The following SEPTIN9 variants were observed in gnomAD, a reference collection of about 807,000 sequenced individuals.
SEPTIN9 encodes the protein septin-9.
A neutral mutation model predicts 56.6 loss-of-function variants in SEPTIN9; 13 were observed. That is an observed-to-expected ratio of 0.23 (90% CI 0.15 to 0.37). The LOEUF (loss-of-function observed/expected upper bound fraction) is 0.37. Among genes scored for constraint, SEPTIN9 ranks in the 10% least tolerant of loss-of-function variants. SEPTIN9 has a pLI of 1.00. For missense variants in SEPTIN9, 650 were observed against 823.1 expected (o/e 0.79, Z 2.57); for synonymous variants, 332 against 334.1 (o/e 0.99, Z 0.07).
chr17:77,300,883 C>T (rs1253231206), intron 1 of SEPTIN9, among the ~76,000 whole-genome samples: 1 of 119,436 alleles, frequency 8.4e-6, no homozygotes, highest in East Asian at 2.7e-4. Flanking sequence ...CTCAAACCGC[C>T]CCCATCCCAG....
rs1192351384 is a variant in SEPTIN9, at chr17:77,317,358, G to A, written c.76+10161G>A. Among the ~76,000 whole-genome samples the A allele has an allele frequency of 1.3e-5, 2 of 152,224 alleles. No homozygotes were observed. Among genetic ancestry groups the A allele is most frequent in the Non-Finnish European group, 2.9e-5 (2 of 68,038 alleles). On this transcript the variant is annotated intron_variant, in intron 2 of 11. Transcript: ENST00000427177. The surrounding 1 kb of genome is among the most constrained non-coding windows in gnomAD (Gnocchi z 4.2). The stretch of plus-strand genomic sequence containing the variant: ...CCTGCACAGCAGGAGGTGAGTGACT[G>A]GCAAGCGAGCGAAGCTTCATCTGTA...
intron 3 of SEPTIN9, among the ~76,000 whole-genome samples, chr17:77,415,675 G>C (rs2036480098): frequency 6.6e-6 from 1 of 151,990 alleles, no homozygotes; most frequent in Non-Finnish European, 1.5e-5. Context: ...GTGCTGCCCT[G>C]TGCCCGGCAC....
At position 77,317,889 on chromosome 17, in the gene SEPTIN9, A is replaced by G. The variant is rs1417193670; in HGVS notation, c.76+10692A>G. ...AATATGGTGAAACCCCGTTTCTACT[A>G]AAAATACAAAAATTAGCCGGACACG... On this transcript the variant is annotated intron_variant, in intron 2 of 11. Coordinates refer to ENST00000427177, the MANE Select transcript of SEPTIN9 (RefSeq NM_001113491.2). The surrounding 1 kb of genome is among the most constrained non-coding windows in gnomAD (Gnocchi z 4.2). Among the ~76,000 whole-genome samples, 1 of 151,992 alleles carries G rather than the reference A, an allele frequency of 6.6e-6. No individual in the cohort carries two copies. Among genetic ancestry groups the G allele is most frequent in the Non-Finnish European group, 1.5e-5 (1 of 68,006 alleles).
At chr17:77,498,085 T>C (rs796264351) in intron 11 of SEPTIN9, among the ~76,000 whole-genome samples, 68 of 152,066 alleles carry the variant, frequency 4.5e-4, no homozygotes, top group African/African-American at 1.5e-3. Flanking sequence ...CCCAGCCCTT[T>C]GCCCCAGGCC....
In SEPTIN9 at chr17:77,450,100, G is replaced by A. The variant is rs975234360; in HGVS notation, c.722-32044G>A. 2.6e-5 allele frequency among the ~76,000 whole-genome samples: 4 copies of A among 152,184 alleles called. No homozygotes were observed. Among genetic ancestry groups the A allele is most frequent in the East Asian group, 1.9e-4 (1 of 5,184 alleles). On this transcript the variant is annotated intron_variant, in intron 3 of 11. Coordinates refer to ENST00000427177, the MANE Select transcript of SEPTIN9 (RefSeq NM_001113491.2). The surrounding 1 kb of genome is among the most constrained non-coding windows in gnomAD (Gnocchi z 6.0). ...GAGACCAGTAGCAGCAGCTCCCCAC[G>A]GCCGTTCACTGTGAGGGTGGGGAGG...
chr17:77,467,495 C>T (rs1462107899), intron 3 of SEPTIN9, among the ~76,000 whole-genome samples: 1 of 140,032 alleles, frequency 7.1e-6, no homozygotes, highest in Non-Finnish European at 1.5e-5. Flanking sequence ...GGCTGCAGAA[C>T]AGCCAGGCCC....
intron 2 of SEPTIN9, among the ~76,000 whole-genome samples, chr17:77,399,581 C>T (rs900746061): frequency 2.0e-5 from 3 of 152,160 alleles, no homozygotes; most frequent in African/African-American, 4.8e-5. Context: ...GTGTCTACCC[C>T]GTACTTCACT....
At chr17:77,374,791 G>C (rs1049830326) in intron 2 of SEPTIN9, 5 of 152,410 alleles carry the variant, frequency 3.3e-5, no homozygotes, top group African/African-American at 7.2e-5. Flanking sequence ...ACTTTGGCTG[G>C]ACGCCAAGCA....
At chr17:77,373,480 C>T (rs1217370560) in intron 2 of SEPTIN9, 3 of 1,527,324 alleles carry the variant, frequency 2.0e-6, no homozygotes, top group South Asian at 1.2e-5. Context: ...CCGCGCGACC[C>T]GCTGCCCACC....
rs2040422429 is a variant in SEPTIN9, at chr17:77,499,535, A to G, written c.*877A>G. The G allele has an allele frequency of 2.2e-6, 1 of 461,676 alleles. No individual in the cohort carries two copies. The highest frequency in any genetic ancestry group is 4.0e-5 in the East Asian group (1 of 25,068). The allele number at this position is 461,676 out of a possible 1,614,324, so 28.6% of individuals were successfully genotyped here. A position where few individuals can be genotyped will look rare whatever the true frequency, so the allele number is the denominator to read the frequency against. On this transcript the variant is annotated 3_prime_UTR_variant, in exon 12 of 12. Coordinates refer to ENST00000427177, the MANE Select transcript of SEPTIN9 (RefSeq NM_001113491.2). ...GGTGGAGGAGCTGAGGGAGGGAGCC[A>G]TGGAAGGTGCCAGAAGGAAGGTTGG...
intron 3 of SEPTIN9, among the ~76,000 whole-genome samples, chr17:77,439,207 T>A (rs902468448): frequency 1.3e-5 from 2 of 152,022 alleles, no homozygotes; most frequent in East Asian, 3.9e-4. Flanking sequence ...TCCTCCCTGG[T>A]TGGGGAGGAG....
chr17:77,429,446 G>C lies in SEPTIN9; in HGVS notation c.721+26743G>C. 1 of 384,414 alleles carries C rather than the reference G, an allele frequency of 2.6e-6. No individual in the cohort carries two copies. Among genetic ancestry groups the C allele is most frequent in the Non-Finnish European group, 5.5e-6 (1 of 183,316 alleles). The allele number at this position is 384,414 out of a possible 1,614,324, so 23.8% of individuals were successfully genotyped here. A position where few individuals can be genotyped will look rare whatever the true frequency, so the allele number is the denominator to read the frequency against. On this transcript the variant is annotated intron_variant, in intron 3 of 11. Transcript: ENST00000427177. The surrounding 1 kb of genome is among the most constrained non-coding windows in gnomAD (Gnocchi z 5.2). ...TGCATTTGGGGAGGGACTGAGGGCTGATTGTGTTGTGGGGATGTTGGCAGA... is the reference window on the plus strand; with the variant it reads ...TGCATTTGGGGAGGGACTGAGGGCTCATTGTGTTGTGGGGATGTTGGCAGA...
Position 77,311,723 on chromosome 17 carries a change from G to A in SEPTIN9, c.76+4526G>A, listed in dbSNP as rs118177201. On this transcript the variant is annotated intron_variant, in intron 2 of 11. Coordinates refer to ENST00000427177, the MANE Select transcript of SEPTIN9 (RefSeq NM_001113491.2). ...CTATTTCCCCAGGGCACCGTGCCAC[G>A]TTGCCTCAATGCACAGAGTAGCTGC... 3.4e-4 allele frequency among the ~76,000 whole-genome samples: 52 copies of A among 152,290 alleles called. No individual in the cohort carries two copies. In the East Asian group the frequency reaches 3.5e-3, roughly 10 times the overall value.
chr17:77,490,578 A>G (rs1598467169), intron 7 of SEPTIN9, among the ~76,000 whole-genome samples, 164 bp from the exon 8 acceptor site: 1 of 152,164 alleles, frequency 6.6e-6, no homozygotes, highest in East Asian at 1.9e-4. Flanking sequence ...CCTCTGCCCC[A>G]CACTCACAGC....
chr17:77,421,649 T>C lies in SEPTIN9; in HGVS notation c.721+18946T>C, dbSNP rs113660095. ...CATTCACCTGAGGTTTATTGATCTT[T>C]CTCTTTGGAACTGGAGTGGCTCCTC... On this transcript the variant is annotated intron_variant, in intron 3 of 11. Transcript: ENST00000427177. This position sits in a 1 kb window ranked among gnomAD's most constrained non-coding sequence, Gnocchi z 4.6. Among the ~76,000 whole-genome samples, 26 of 152,270 alleles carry C rather than the reference T, an allele frequency of 1.7e-4. 1 individual carries two copies. Among genetic ancestry groups the C allele is most frequent in the African/African-American group, 6.3e-4 (26 of 41,548 alleles).
At chr17:77,482,415 C>G in intron 4 of SEPTIN9, 80 bp downstream of exon 4, 1 of 1,413,602 alleles carries the variant, frequency 7.1e-7, no homozygotes, top group Non-Finnish European at 9.8e-7. Flanking sequence ...AGCCTTTGGG[C>G]TTGGTCTTCC....
At chr17:77,496,396 AGAC>A (rs1838940995) in intron 10 of SEPTIN9, 1 of 152,194 alleles carries the variant, frequency 6.6e-6, no homozygotes, top group Admixed American at 6.5e-5. Context: ...AGGTGTGTGA[AGAC>A]GAAGTTCATC....
At chr17:77,392,118 C>G (rs440375) in intron 2 of SEPTIN9, among the ~76,000 whole-genome samples, 5 of 152,026 alleles carry the variant, frequency 3.3e-5, no homozygotes, top group Non-Finnish European at 7.4e-5. Context: ...TGGCCTCAGC[C>G]GAAAATCCAA....
chr17:77,454,157 C>T, intron 3 of SEPTIN9: 1 of 985,698 alleles, frequency 1.0e-6, no homozygotes, highest in Non-Finnish European at 1.2e-6. Flanking sequence ...CAGCCCTCAC[C>T]TTAACACAGA....
Sources: gnomAD v4.1 joint callset for allele counts (sites outside exome capture counted in the v4.1 genomes callset) on GRCh38, gnomAD v4.1.1 for gene constraint, Gnocchi (gnomAD v3.1) non-coding constraint, MANE v1.5 for transcripts, NCBI Gene and HGNC (gene_info 2026-07-23, HGNC 2026-07-21) for gene names.